The following TAP1 variants were observed in gnomAD, a reference collection of about 807,000 sequenced individuals.
The protein encoded by TAP1 is antigen peptide transporter 1.
A neutral mutation model predicts 79.3 loss-of-function variants in TAP1; 56 were observed. The observed-to-expected ratio is 0.71, with a 90% CI of 0.57 to 0.88. The LOEUF (loss-of-function observed/expected upper bound fraction) is 0.88. TAP1 is among the 40% of genes least tolerant of loss of function. TAP1 has a pLI of 0.00. For synonymous variants in TAP1, 355 were observed against 401.4 expected (o/e 0.88, Z 1.38); for missense variants, 737 against 936.3 (o/e 0.79, Z 2.78).
At chr6:32,848,532 G>T in intron 7 of TAP1, 120 bp downstream of exon 7, 2 of 1,119,256 alleles carry the variant, frequency 1.8e-6, no homozygotes, top group Non-Finnish European at 2.7e-6. Context: ...GCCTACCATT[G>T]CCTTTAAAGG....
At position 32,853,080 on chromosome 6, in the gene TAP1, C is replaced by A; in HGVS notation, c.557G>T (p.Arg186Leu). 3 of 1,612,634 alleles carry A rather than the reference C, an allele frequency of 1.9e-6. No homozygotes were observed. The highest frequency in any genetic ancestry group is 1.3e-5 in the African/African-American group (1 of 75,056). ...CACCAGGACCAGGAACAGCGAGAGG[C>A]GGCGCGTCTCCGAGCCCAGGCAGCC... ...LLGCLGSETR[R>L]LSLFLVLVVL... Residue 186 changes from arginine to leucine, a missense_variant, in exon 1 of 11, where the codon CGC becomes CTC. Transcript: ENST00000354258. The surrounding 1 kb of genome is among the most constrained non-coding windows in gnomAD (Gnocchi z 8.3).
Position 32,849,295 on chromosome 6 carries a change from A to G in TAP1, c.1249-177T>C, listed in dbSNP as rs1770641303. 2.5e-5 allele frequency: 18 copies of G among 711,526 alleles called. No homozygotes were observed. In the South Asian group the frequency reaches 2.9e-4, roughly 12 times the overall value. The allele number at this position is 711,526 out of a possible 1,614,324, so 44.1% of individuals were successfully genotyped here. ...CCCCATGGAGTCTGACTCAATGCAC[A>G]TCATGCAAGTCACAGTTATCTTCAC... On this transcript the variant is annotated intron_variant, in intron 5 of 10. Coordinates refer to ENST00000354258, the MANE Select transcript of TAP1 (RefSeq NM_000593.6).
In TAP1 at chr6:32,845,855, G is replaced by A; in HGVS notation, c.2041-70C>T. ...CCCAGGGAGACACCTGTGTTTCCAG[G>A]GCTGGGACTGACCTCACAGGATCAC... On this transcript the variant is annotated intron_variant, in intron 10 of 10. Coordinates refer to ENST00000354258, the MANE Select transcript of TAP1 (RefSeq NM_000593.6). The surrounding 1 kb of genome is among the most constrained non-coding windows in gnomAD (Gnocchi z 4.5). 7.3e-7 allele frequency: 1 copy of A among 1,360,592 alleles called. No individual in the cohort carries two copies. Among genetic ancestry groups the A allele is most frequent in the South Asian group, 1.2e-5 (1 of 83,266 alleles). 84.3% of individuals were successfully genotyped at this position (1,360,592 alleles called of 1,614,324 possible).
In TAP1 at chr6:32,851,924, T is replaced by TGTGAGAGAGA. The variant is rs1554246364; in HGVS notation, c.844+184_844+185insTCTCTCTCAC. On this transcript the variant is annotated intron_variant, in intron 3 of 10. Transcript: ENST00000354258. The surrounding 1 kb of genome is among the most constrained non-coding windows in gnomAD (Gnocchi z 4.8). ...AAAAACAATTGTGTGTGTGTGTGTG[T>TGTGAGAGAGA]GAGAGAGAGAGAGAGAGAGACAGAG... 6.1e-5 allele frequency among the ~76,000 whole-genome samples: 9 copies of TGTGAGAGAGA among 147,434 alleles called. No homozygotes were observed. The South Asian group carries it at 6.6e-4, about 11-fold the overall frequency.
chr6:32,849,145 C>G, intron 5 of TAP1, 27 bp from the exon 6 acceptor site: 2 of 1,563,434 alleles, frequency 1.3e-6, no homozygotes, highest in Non-Finnish European at 1.7e-6. Context: ...AAAAAAGGGA[C>G]TGAGGTAGAG....
chr6:32,852,522 G>A lies in TAP1; in HGVS notation c.599-20C>T, dbSNP rs747884596. 7 of 1,611,960 alleles carry A rather than the reference G, an allele frequency of 4.3e-6. No homozygotes were observed. In the South Asian group the frequency reaches 7.7e-5, roughly 18 times the overall value. On this transcript the variant is annotated intron_variant, in intron 1 of 10. Transcript: ENST00000354258. The surrounding 1 kb of genome is among the most constrained non-coding windows in gnomAD (Gnocchi z 4.8). ...TCTCCCCTGGAGAAAGAGAAGAGAGGTCACGCACAAATATTAAGTCTAAGT... is the reference window on the plus strand; with the variant it reads ...TCTCCCCTGGAGAAAGAGAAGAGAGATCACGCACAAATATTAAGTCTAAGT...
chr6:32,848,171 T>C, intron 7 of TAP1, 79 bp from the exon 8 acceptor site: 1 of 1,516,968 alleles, frequency 6.6e-7, no homozygotes, highest in Non-Finnish European at 8.9e-7. Flanking sequence ...TTACATAGCA[T>C]GATGTCTTAC....
In TAP1 at chr6:32,851,451, G is replaced by T. The variant is rs145484203; in HGVS notation, c.845-302C>A. On this transcript the variant is annotated intron_variant, in intron 3 of 10. Transcript: ENST00000354258. This position sits in a 1 kb window ranked among gnomAD's most constrained non-coding sequence, Gnocchi z 4.8. The stretch of plus-strand genomic sequence containing the variant: ...TGTATGTCCCATGCTATACACACAG[G>T]CAGGAAGAGCTTAAACTGGTCACAT... 4.0e-3 allele frequency among the ~76,000 whole-genome samples: 616 copies of T among 152,282 alleles called. 6 individuals are homozygous for T. The highest frequency in any genetic ancestry group is 0.02 in the Middle Eastern group (6 of 294).
At position 32,847,139 on chromosome 6, in the gene TAP1, A is replaced by G; in HGVS notation, c.1969T>C (p.Leu657=). ...ATAAGTACACACGGTTTCCGGATCA[A>G]TGCTCGGGCCAACGCCACTGCCTGT... The part of the protein sequence containing the change: ...QRQAVALARA[L]IRKPCVLILD... Residue 657 remains leucine, a synonymous_variant, in exon 10 of 11, where the codon TTG becomes CTG. Coordinates refer to ENST00000354258, the MANE Select transcript of TAP1 (RefSeq NM_000593.6). The surrounding 1 kb of genome is among the most constrained non-coding windows in gnomAD (Gnocchi z 4.7). The G allele has an allele frequency of 6.2e-7, 1 of 1,612,970 alleles. No homozygotes were observed. Among genetic ancestry groups the G allele is most frequent in the Non-Finnish European group, 8.5e-7 (1 of 1,180,042 alleles).
At position 32,850,118 on chromosome 6, in the gene TAP1, A is replaced by G. The variant is rs979917160; in HGVS notation, c.1248+202T>C. On this transcript the variant is annotated intron_variant, in intron 5 of 10. Coordinates refer to ENST00000354258, the MANE Select transcript of TAP1 (RefSeq NM_000593.6). The surrounding 1 kb of genome is among the most constrained non-coding windows in gnomAD (Gnocchi z 5.5). ...TGGGTGGATTTTATGTACCATACTGAAAGGAAGCCACCTAGCATCTTTAAA... is the reference window on the plus strand; with the variant it reads ...TGGGTGGATTTTATGTACCATACTGGAAGGAAGCCACCTAGCATCTTTAAA... 2 of 661,520 alleles carry G rather than the reference A, an allele frequency of 3.0e-6. 1 individual carries two copies. The highest frequency in any genetic ancestry group is 3.4e-5 in the South Asian group (2 of 59,116). 41.0% of individuals were successfully genotyped at this position (661,520 alleles called of 1,614,324 possible).
intron 5 of TAP1, chr6:32,849,973 C>A: frequency 2.5e-6 from 1 of 407,158 alleles, no homozygotes; most frequent in Non-Finnish European, 4.6e-6. Context: ...ACTAACAAAT[C>A]TACAAGGTAC....
Position 32,850,260 on chromosome 6 carries a change from G to A in TAP1, c.1248+60C>T, listed in dbSNP as rs1204239720. 21 of 1,555,168 alleles carry A rather than the reference G, an allele frequency of 1.4e-5. No homozygotes were observed. The highest frequency in any genetic ancestry group is 1.8e-5 in the Non-Finnish European group (20 of 1,126,592). ...GGAGTGGGAGCAGGGTCATAGGAAT[G>A]GGAATGGAGTCACGGCATCTTAAGG... On this transcript the variant is annotated intron_variant, in intron 5 of 10. Transcript: ENST00000354258. This position sits in a 1 kb window ranked among gnomAD's most constrained non-coding sequence, Gnocchi z 5.5.
Position 32,847,846 on chromosome 6 carries a change from T to C in TAP1, c.1740+73A>G. On this transcript the variant is annotated intron_variant, in intron 8 of 10. Transcript: ENST00000354258. The surrounding 1 kb of genome is among the most constrained non-coding windows in gnomAD (Gnocchi z 4.7). The stretch of plus-strand genomic sequence containing the variant: ...TCTCTTATCATTCCCTAACCCCTCT[T>C]TCAGAGTGCTCAGTAAGAATGCTCT... 6.2e-7 allele frequency: 1 copy of C among 1,607,118 alleles called. No homozygotes were observed. The highest frequency in any genetic ancestry group is 1.3e-5 in the African/African-American group (1 of 74,940).
In TAP1 at chr6:32,847,294, TCA is replaced by T. The variant is rs1770494275; in HGVS notation, c.1904-92_1904-91del. 1 of 1,573,582 alleles carries T rather than the reference TCA, an allele frequency of 6.4e-7. No homozygotes were observed. The highest frequency in any genetic ancestry group is 8.7e-7 in the Non-Finnish European group (1 of 1,154,886). ...CAGACACACTCATGCATTCACGCAC[TCA>T]CACACACCAAGATCTGACGGTTGTA... On this transcript the variant is annotated intron_variant, in intron 9 of 10. Transcript: ENST00000354258. This position sits in a 1 kb window ranked among gnomAD's most constrained non-coding sequence, Gnocchi z 4.7.
Position 32,853,165 on chromosome 6 carries a change from C to A in TAP1, c.472G>T (p.Gly158Trp). The part of the protein sequence containing the change: ...LPAAALWHKL[G>W]SLWVPGGQGG... ...TGACCGCCGGGCACCCAGAGGCTCC[C>A]GAGTTTGTGCCACAGGGCTGCTGCG... is the stretch of plus-strand genomic sequence containing the variant. The change falls in exon 1 of 11, where the codon GGG (glycine) becomes TGG (tryptophan). Residue 158 changes from glycine to tryptophan, a missense_variant. Transcript: ENST00000354258. The surrounding 1 kb of genome is among the most constrained non-coding windows in gnomAD (Gnocchi z 8.3). The A allele has an allele frequency of 6.2e-7, 1 of 1,612,566 alleles. No homozygotes were observed. The highest frequency in any genetic ancestry group is 8.5e-7 in the Non-Finnish European group (1 of 1,179,848).
At position 32,853,695 on chromosome 6, in the gene TAP1, G is replaced by T. The variant is rs554237124; in HGVS notation, c.-59C>A. On this transcript the variant is annotated 5_prime_UTR_variant, in exon 1 of 11. Coordinates refer to ENST00000354258, the MANE Select transcript of TAP1 (RefSeq NM_000593.6). The surrounding 1 kb of genome is among the most constrained non-coding windows in gnomAD (Gnocchi z 8.3). ...CCTGGGACTCTCCGCGCCCCGGTGG[G>T]GCCTGAAGCTCCGGGTACCGCCGAG... The T allele has an allele frequency of 3.2e-6, 5 of 1,570,780 alleles. No individual in the cohort carries two copies.
rs241423 is a variant in TAP1, at chr6:32,850,233, G to A, written c.1248+87C>T. The A allele has an allele frequency of 0.036, 50,237 of 1,409,688 alleles. 1,121 individuals are homozygous for A. Among genetic ancestry groups the A allele is most frequent in the African/African-American group, 0.062 (4,392 of 71,010 alleles). 87.3% of individuals were successfully genotyped at this position (1,409,688 alleles called of 1,614,324 possible). A position where few individuals can be genotyped will look rare whatever the true frequency, so the allele number is the denominator to read the frequency against. ...CTGAACCAACCATTTCCCAGTAAAGGAGGAGTGGGAGCAGGGTCATAGGAA... is the reference window on the plus strand; with the variant it reads ...CTGAACCAACCATTTCCCAGTAAAGAAGGAGTGGGAGCAGGGTCATAGGAA... On this transcript the variant is annotated intron_variant, in intron 5 of 10. Coordinates refer to ENST00000354258, the MANE Select transcript of TAP1 (RefSeq NM_000593.6). The surrounding 1 kb of genome is among the most constrained non-coding windows in gnomAD (Gnocchi z 5.5).
chr6:32,848,247 G>T, intron 7 of TAP1, 155 bp from the exon 8 acceptor site: 1 of 978,196 alleles, frequency 1.0e-6, no homozygotes, highest in Non-Finnish European at 1.6e-6. Context: ...TCTGGGTGAT[G>T]CCTCCCCAAG....
In TAP1 at chr6:32,845,362, C is replaced by T. The variant is rs555326852; in HGVS notation, c.*217G>A. 7 of 630,566 alleles carry T rather than the reference C, an allele frequency of 1.1e-5. No individual in the cohort carries two copies. Among genetic ancestry groups the T allele is most frequent in the Non-Finnish European group, 2.0e-5 (7 of 352,362 alleles). The allele number at this position is 630,566 out of a possible 1,614,324, so 39.1% of individuals were successfully genotyped here. On this transcript the variant is annotated 3_prime_UTR_variant, in exon 11 of 11. Transcript: ENST00000354258. This position sits in a 1 kb window ranked among gnomAD's most constrained non-coding sequence, Gnocchi z 4.5. ...GTGCTGGCCACACCAAAGCATCAGC[C>T]CTGGCTCTAAACTCCGTTACAGTAA... is the stretch of plus-strand genomic sequence containing the variant.
Sources: allele counts gnomAD v4.1 joint callset (sites outside exome capture counted in the v4.1 genomes callset), GRCh38; gene constraint gnomAD v4.1.1; non-coding constraint Gnocchi (gnomAD v3.1); transcripts MANE v1.5; gene names NCBI Gene and HGNC (gene_info 2026-07-23, HGNC 2026-07-21).